Variants in TRPM3 observed in about 807,000 individuals in gnomAD.
TRPM3 encodes transient receptor potential cation channel subfamily M member 3, also known as long transient receptor potential channel 3.
A neutral mutation model predicts 181.2 loss-of-function variants in TRPM3; 77 were observed. The ratio of observed to expected loss-of-function variants is 0.42; its 90% confidence interval spans 0.35 to 0.51. The LOEUF (loss-of-function observed/expected upper bound fraction) is 0.51, where lower values mean the gene tolerates loss of function less well. TRPM3 is among the 20% of genes least tolerant of loss of function. TRPM3 has a pLI of 0.01. For missense variants in TRPM3, 1,759 were observed against 2,196.7 expected, an observed-to-expected ratio of 0.80 and a Z score of 3.98; for synonymous variants, 745 against 796.4, an observed-to-expected ratio of 0.94 and a Z score of 1.09.
At chr9:71,263,418 C>T (rs995230994) in intron 1 of TRPM3, among the ~76,000 whole-genome samples, 11 of 152,156 alleles carry the variant, frequency 7.2e-5, no homozygotes, top group Non-Finnish European at 1.3e-4. Flanking sequence ...GAAAGAAAAA[C>T]TCCAAAAGGT....
intron 6 of TRPM3, chr9:70,811,383 C>T: frequency 1.5e-6 from 1 of 683,612 alleles, no homozygotes; most frequent in Non-Finnish European, 2.6e-6. Context: ...CTATGTAGAG[C>T]ATCATCCAGC....
chr9:71,232,540 G>A (rs1025008865), intron 1 of TRPM3, among the ~76,000 whole-genome samples: 9 of 118,034 alleles, frequency 7.6e-5, no homozygotes, highest in South Asian at 5.5e-4. Flanking sequence ...TTGCTCTGTC[G>A]CCGAGGCTGG....
At chr9:70,575,379 A>G (rs2053665914) in intron 22 of TRPM3, among the ~76,000 whole-genome samples, 1 of 152,036 alleles carries the variant, frequency 6.6e-6, no homozygotes, top group Non-Finnish European at 1.5e-5. Flanking sequence ...TACTGTTACT[A>G]CTAATAACAC....
At chr9:70,799,078 C>T (rs2088097811) in intron 6 of TRPM3, among the ~76,000 whole-genome samples, 1 of 152,238 alleles carries the variant, frequency 6.6e-6, no homozygotes, top group Non-Finnish European at 1.5e-5. Context: ...CAAAGTATCT[C>T]GGTCACCAGG....
At chr9:70,636,292 A>C (rs2057175017) in intron 11 of TRPM3, among the ~76,000 whole-genome samples, 1 of 152,122 alleles carries the variant, frequency 6.6e-6, no homozygotes, top group Non-Finnish European at 1.5e-5. Context: ...AATGTAAAAA[A>C]AAAAAAAAAA....
At chr9:70,855,143 G>A (rs2095353753) in intron 3 of TRPM3, among the ~76,000 whole-genome samples, 1 of 152,038 alleles carries the variant, frequency 6.6e-6, no homozygotes. Flanking sequence ...GTTACTATTT[G>A]CCTATCAAAG....
At chr9:70,909,017 A>G (rs1246381470) in intron 1 of TRPM3, among the ~76,000 whole-genome samples, 3 of 152,252 alleles carry the variant, frequency 2.0e-5, no homozygotes, top group Non-Finnish European at 4.4e-5. Flanking sequence ...AGAAGGTAAT[A>G]AAGCATCTTT....
chr9:71,302,784 A>G (rs933479110), intron 1 of TRPM3, among the ~76,000 whole-genome samples: 1 of 151,934 alleles, frequency 6.6e-6, no homozygotes, highest in African/African-American at 2.4e-5. Context: ...AATATTCTAA[A>G]AAAAAAAAGG....
chr9:70,635,761 A>C (rs1296874426), intron 11 of TRPM3, among the ~76,000 whole-genome samples: 5 of 152,078 alleles, frequency 3.3e-5, no homozygotes, highest in Non-Finnish European at 5.9e-5. Flanking sequence ...CATACTGGCC[A>C]TACCTGTTTC....
intron 1 of TRPM3, among the ~76,000 whole-genome samples, chr9:71,259,614 G>A (rs1381781901): frequency 6.6e-6 from 1 of 151,780 alleles, no homozygotes; most frequent in Non-Finnish European, 1.5e-5. Context: ...TCTCACTGTG[G>A]TTTTGATTTG....
intron 4 of TRPM3, among the ~76,000 whole-genome samples, chr9:70,844,433 C>G (rs1589156167): frequency 1.2e-4 from 1 of 8,444 alleles, no homozygotes; most frequent in South Asian, 2.0e-3. Context: ...ACTGGTAAAA[C>G]AAACAAACAA....
At chr9:70,798,976 C>G (rs1180813204) in intron 6 of TRPM3, among the ~76,000 whole-genome samples, 1 of 152,208 alleles carries the variant, frequency 6.6e-6, no homozygotes, top group Non-Finnish European at 1.5e-5. Flanking sequence ...GGGACTCGAA[C>G]AGCCAATTTC....
intron 1 of TRPM3, among the ~76,000 whole-genome samples, chr9:71,388,200 T>C (rs1385381955): frequency 1.3e-5 from 2 of 152,168 alleles, no homozygotes; most frequent in Non-Finnish European, 2.9e-5. Flanking sequence ...AGCTTGACTT[T>C]CATGTTTTTA....
chr9:70,670,453 A>T (rs1267959456), intron 9 of TRPM3, among the ~76,000 whole-genome samples: 1 of 152,204 alleles, frequency 6.6e-6, no homozygotes, highest in Non-Finnish European at 1.5e-5. Flanking sequence ...TTGGTCTGTT[A>T]TTGGACTGAG....
rs1307023551 is a variant in TRPM3, at chr9:71,211,207, TCA to T, written c.183+235444_183+235445del. Among the ~76,000 whole-genome samples the T allele has an allele frequency of 1.1e-4, 17 of 152,314 alleles. No individual in the cohort carries two copies. The South Asian group carries it at 1.2e-3, about 11-fold the overall frequency. On this transcript the variant is annotated intron_variant, in intron 1 of 24. Transcript: ENST00000357533. Reference sequence around the variant, plus strand: ...TGCTTTCCAAAGCCTTGCAGGAATCTCAGAGTCATTAACCGTGATCTCTAAGC... The same window carrying T: ...TGCTTTCCAAAGCCTTGCAGGAATCTGAGTCATTAACCGTGATCTCTAAGC...
intron 7 of TRPM3, among the ~76,000 whole-genome samples, chr9:70,782,486 A>G (rs1403196408): frequency 6.6e-6 from 1 of 152,220 alleles, no homozygotes; most frequent in Non-Finnish European, 1.5e-5. Context: ...TGCTGGGATT[A>G]TAGGCATGAG....
intron 1 of TRPM3, among the ~76,000 whole-genome samples, chr9:71,282,866 A>G (rs2084958792): frequency 6.6e-6 from 1 of 152,146 alleles, no homozygotes; most frequent in African/African-American, 2.4e-5. Context: ...CAGCTTTACC[A>G]GCTACCTTGA....
chr9:71,293,765 G>T (rs749010700), intron 1 of TRPM3, among the ~76,000 whole-genome samples: 11 of 151,872 alleles, frequency 7.2e-5, no homozygotes, highest in Non-Finnish European at 1.2e-4. Flanking sequence ...AGGATATCTT[G>T]AAAATATATC....
intron 12 of TRPM3, among the ~76,000 whole-genome samples, chr9:70,631,422 TTTAAA>T (rs1379585555): frequency 6.6e-6 from 1 of 151,824 alleles, no homozygotes; most frequent in Non-Finnish European, 1.5e-5. Context: ...GTAAATGAAC[TTTAAA>T]TTATCATAAT....
Sources: allele counts gnomAD v4.1 joint callset (sites outside exome capture counted in the v4.1 genomes callset), GRCh38; gene constraint gnomAD v4.1.1; transcripts MANE v1.5; gene names NCBI Gene and HGNC (gene_info 2026-07-23, HGNC 2026-07-21).